Variants in ARHGAP26 observed in about 807,000 individuals in gnomAD.
ARHGAP26 encodes the protein rho GTPase-activating protein 26.
Under a neutral mutation model 104.8 loss-of-function variants are expected in ARHGAP26, and 38 were observed. The observed-to-expected ratio is 0.36, with a 90% confidence interval of 0.28 to 0.48. The LOEUF (loss-of-function observed/expected upper bound fraction) is 0.48. Among genes scored for constraint, ARHGAP26 ranks in the 20% least tolerant of loss-of-function variants. The pLI is 0.99. For synonymous variants in ARHGAP26, 341 were observed against 340.0 expected, an observed-to-expected ratio of 1.00 and a Z score of -0.03; for missense variants, 704 against 947.9, an observed-to-expected ratio of 0.74 and a Z score of 3.38.
intron 1 of ARHGAP26, among the ~76,000 whole-genome samples, chr5:142,817,476 C>A (rs1765358350): frequency 6.6e-6 from 1 of 152,176 alleles, no homozygotes; most frequent in South Asian, 2.1e-4. Flanking sequence ...TGGTGCCTTG[C>A]AGTCCCGGGT....
At chr5:142,984,186 G>T (rs1285665438) in intron 11 of ARHGAP26, among the ~76,000 whole-genome samples, 6 of 152,226 alleles carry the variant, frequency 3.9e-5, no homozygotes, top group African/African-American at 1.4e-4. Flanking sequence ...AGAGGAAGGA[G>T]TGGTGTCTAT....
intron 11 of ARHGAP26, among the ~76,000 whole-genome samples, chr5:143,000,366 C>T (rs1339125947): frequency 6.6e-6 from 1 of 152,168 alleles, no homozygotes; most frequent in Non-Finnish European, 1.5e-5. Flanking sequence ...AGACAGGGAA[C>T]CACCTAGGTG....
At chr5:143,009,654 AAC>A (rs1424393261) in intron 11 of ARHGAP26, among the ~76,000 whole-genome samples, 3 of 152,220 alleles carry the variant, frequency 2.0e-5, no homozygotes, top group Non-Finnish European at 2.9e-5. Flanking sequence ...AGATAAAGTA[AAC>A]ACATGTAATT....
chr5:143,182,555 T>G (rs2151197403), intron 20 of ARHGAP26, among the ~76,000 whole-genome samples: 1 of 152,348 alleles, frequency 6.6e-6, no homozygotes, highest in East Asian at 1.9e-4. Context: ...ACAATAAAAC[T>G]TGGTTTGTTG....
chr5:143,086,340 C>G (rs1255263503), intron 17 of ARHGAP26, among the ~76,000 whole-genome samples: 1 of 150,302 alleles, frequency 6.7e-6, no homozygotes, highest in Non-Finnish European at 1.5e-5. Context: ...AAACTTGGGC[C>G]TCCATCTTTA....
chr5:142,808,920 C>G (rs977150652), intron 1 of ARHGAP26, among the ~76,000 whole-genome samples: 6 of 152,208 alleles, frequency 3.9e-5, no homozygotes, highest in Admixed American at 1.3e-4. Flanking sequence ...ATATATGGCA[C>G]CTTACTTATT....
chr5:143,131,050 C>T (rs1356541474), intron 18 of ARHGAP26, among the ~76,000 whole-genome samples: 1 of 152,200 alleles, frequency 6.6e-6, no homozygotes, highest in Non-Finnish European at 1.5e-5. Context: ...GGGACTATGG[C>T]TCTTGCCCAT....
In ARHGAP26 at chr5:143,084,764, C is replaced by A. The variant is rs3822388; in HGVS notation, c.1538+27017C>A. Reference sequence around the variant, plus strand: ...ACATCTCCGTTAGAAATACTTTCTCCGCTGGGCGCGGTGGCTCATGCCTAT... The same window carrying A: ...ACATCTCCGTTAGAAATACTTTCTCAGCTGGGCGCGGTGGCTCATGCCTAT... On this transcript the variant is annotated intron_variant, in intron 17 of 22. Transcript: ENST00000645722. Among the ~76,000 whole-genome samples, 1,021 of 152,002 alleles carry A rather than the reference C, an allele frequency of 6.7e-3. 12 individuals carry two copies. Among genetic ancestry groups the A allele is most frequent in the African/African-American group, 0.023 (961 of 41,412 alleles).
At chr5:143,121,240 T>A in intron 18 of ARHGAP26, 93 bp downstream of exon 18, 2 of 1,278,342 alleles carry the variant, frequency 1.6e-6, no homozygotes, top group Non-Finnish European at 1.1e-6. Flanking sequence ...TTTGCATTGC[T>A]AATCACTCTT....
At chr5:142,906,597 CTATAATT>C in intron 8 of ARHGAP26, among the ~76,000 whole-genome samples, 2 of 152,296 alleles carry the variant, frequency 1.3e-5, no homozygotes, top group South Asian at 4.1e-4. Flanking sequence ...GTTCAGGAGG[CTATAATT>C]TATAACTGTC....
chr5:143,193,322 A>T (rs1806253390), intron 20 of ARHGAP26, among the ~76,000 whole-genome samples: 1 of 135,254 alleles, frequency 7.4e-6, no homozygotes, highest in Non-Finnish European at 1.5e-5. Context: ...ATCTCGGCTC[A>T]CTGCAACCTC....
chr5:142,966,573 C>G (rs911101344), intron 11 of ARHGAP26, among the ~76,000 whole-genome samples: 1 of 152,164 alleles, frequency 6.6e-6, no homozygotes, highest in African/African-American at 2.4e-5. Context: ...CCCTTCAGAA[C>G]AGCCATATAG....
intron 14 of ARHGAP26, among the ~76,000 whole-genome samples, chr5:143,052,042 G>C (rs1785113435): frequency 6.6e-6 from 1 of 152,196 alleles, no homozygotes; most frequent in Non-Finnish European, 1.5e-5. Context: ...GCCATTCAGG[G>C]AGTGCAAGAT....
In ARHGAP26 at chr5:143,225,137, A is replaced by G; in HGVS notation, c.*2691A>G. On this transcript the variant is annotated 3_prime_UTR_variant, in exon 23 of 23. Coordinates refer to ENST00000645722, the MANE Select transcript of ARHGAP26 (RefSeq NM_001135608.3). ...CATTCACATACTATTACGCTTCTCAAAGAGAGACCAACATCATGCTTTTAA... is the reference window on the plus strand; with the variant it reads ...CATTCACATACTATTACGCTTCTCAGAGAGAGACCAACATCATGCTTTTAA... 9.2e-6 allele frequency: 2 copies of G among 218,142 alleles called. No homozygotes were observed. Among genetic ancestry groups the G allele is most frequent in the East Asian group, 1.4e-4 (2 of 14,808 alleles). The allele number at this position is 218,142 out of a possible 1,614,324, so 13.5% of individuals were successfully genotyped here.
intron 1 of ARHGAP26, among the ~76,000 whole-genome samples, chr5:142,861,004 G>A (rs1487168064): frequency 6.6e-6 from 1 of 152,182 alleles, no homozygotes; most frequent in Non-Finnish European, 1.5e-5. Context: ...TATTGCAAGC[G>A]GTGTTCAGAC....
intron 20 of ARHGAP26, among the ~76,000 whole-genome samples, chr5:143,162,867 C>T (rs1325726256): frequency 1.3e-5 from 2 of 152,062 alleles, no homozygotes; most frequent in Non-Finnish European, 2.9e-5. Flanking sequence ...GGTACAGTGG[C>T]CCACACCTGT....
chr5:142,978,022 G>A (rs146296865), intron 11 of ARHGAP26, among the ~76,000 whole-genome samples: 1 of 152,206 alleles, frequency 6.6e-6, no homozygotes, highest in Non-Finnish European at 1.5e-5. Flanking sequence ...TGACTCCTCT[G>A]ACTTATTTTC....
intron 17 of ARHGAP26, among the ~76,000 whole-genome samples, chr5:143,064,927 C>T (rs190958712): frequency 8.5e-5 from 13 of 152,300 alleles, no homozygotes; most frequent in African/African-American, 3.1e-4. Context: ...TAATGTTCAG[C>T]AGTCTTAGAG....
At chr5:143,139,337 G>T (rs908260410) in intron 19 of ARHGAP26, among the ~76,000 whole-genome samples, 3 of 152,182 alleles carry the variant, frequency 2.0e-5, no homozygotes, top group African/African-American at 7.2e-5. Flanking sequence ...GTAAACTGAG[G>T]TCAAGAGGTT....
Sources: gnomAD v4.1 joint callset for allele counts (sites outside exome capture counted in the v4.1 genomes callset) on GRCh38, gnomAD v4.1.1 for gene constraint, MANE v1.5 for transcripts, NCBI Gene and HGNC (gene_info 2026-07-23, HGNC 2026-07-21) for gene names.